PPFIA2: variants seen among roughly 807,000 people sequenced by gnomAD.
The protein encoded by PPFIA2 is liprin-alpha-2.
Under a neutral mutation model 175.5 loss-of-function variants are expected in PPFIA2, and 46 were observed. The observed-to-expected ratio is 0.26, with a 90% CI of 0.21 to 0.34. The LOEUF (loss-of-function observed/expected upper bound fraction) is 0.34, where lower values mean the gene tolerates loss of function less well. PPFIA2 is among the 10% of genes least tolerant of loss of function. PPFIA2 has a pLI of 1.00. For missense variants in PPFIA2, 1,179 were observed against 1,506.1 expected, an observed-to-expected ratio of 0.78 and a Z score of 3.60; for synonymous variants, 568 against 511.4, an observed-to-expected ratio of 1.11 and a Z score of -1.49.
chr12:81,726,329 G>A (rs2080071100), intron 3 of PPFIA2, among the ~76,000 whole-genome samples: 1 of 151,104 alleles, frequency 6.6e-6, no homozygotes, highest in African/African-American at 2.4e-5. Context: ...TATCTGTCTG[G>A]AGGAAAAGAA....
intron 4 of PPFIA2, among the ~76,000 whole-genome samples, chr12:81,567,859 C>A (rs763818143): frequency 6.6e-6 from 1 of 152,126 alleles, no homozygotes; most frequent in Non-Finnish European, 1.5e-5. Context: ...TATTGAACCT[C>A]GGTGGAAAAT....
At chr12:81,648,193 G>A (rs1258756029) in intron 4 of PPFIA2, among the ~76,000 whole-genome samples, 4 of 151,312 alleles carry the variant, frequency 2.6e-5, no homozygotes, top group African/African-American at 9.7e-5. Context: ...TAAAAAGCAA[G>A]AAAGACAAAT....
chr12:81,268,504 G>A (rs1401078140), intron 28 of PPFIA2, among the ~76,000 whole-genome samples: 1 of 152,170 alleles, frequency 6.6e-6, no homozygotes, highest in Non-Finnish European at 1.5e-5. Flanking sequence ...TCACATTTAT[G>A]CTGATTCATC....
chr12:81,432,665 G>A (rs1291545251), intron 7 of PPFIA2, among the ~76,000 whole-genome samples: 3 of 151,694 alleles, frequency 2.0e-5, no homozygotes, highest in East Asian at 3.9e-4. Context: ...CACCATGTAG[G>A]TCAGGCTGGT....
chr12:81,323,739 C>G (rs1594804130), intron 22 of PPFIA2, among the ~76,000 whole-genome samples: 1 of 151,944 alleles, frequency 6.6e-6, no homozygotes, highest in Non-Finnish European at 1.5e-5. Flanking sequence ...TAATAAAACT[C>G]ATTATATGAA....
chr12:81,311,920 T>C (rs933604122), intron 22 of PPFIA2: 3 of 550,820 alleles, frequency 5.4e-6, no homozygotes, highest in Middle Eastern at 5.0e-4. Context: ...TTGACATGTG[T>C]ATAATAAAAC....
rs535229177 is a variant in PPFIA2 at position 81,432,623 on chromosome 12, G to A, written c.645+7349C>T. Among the ~76,000 whole-genome samples the A allele has an allele frequency of 7.8e-4, 118 of 151,924 alleles. 1 individual carries two copies. The highest frequency in any genetic ancestry group is 7.1e-3 in the South Asian group (34 of 4,810). On this transcript the variant is annotated intron_variant, in intron 7 of 32. Coordinates refer to ENST00000549396, the MANE Select transcript of PPFIA2 (RefSeq NM_003625.5). ...TGGGATTACAGGCACGCACCACCATGCCCAGATGATTTTTGTATAGAGACT... is the reference window on the plus strand; with the variant it reads ...TGGGATTACAGGCACGCACCACCATACCCAGATGATTTTTGTATAGAGACT...
chr12:81,289,229 TTC>T (rs1297029075), intron 24 of PPFIA2, among the ~76,000 whole-genome samples: 1 of 151,848 alleles, frequency 6.6e-6, no homozygotes, highest in East Asian at 1.9e-4. Context: ...ATATTAGATA[TTC>T]TGTTAGGTAG....
chr12:81,673,739 T>C (rs2071894717), intron 4 of PPFIA2, among the ~76,000 whole-genome samples: 1 of 152,032 alleles, frequency 6.6e-6, no homozygotes, highest in Admixed American at 6.6e-5. Context: ...CTAAAATAAT[T>C]ATGTGATTTG....
intron 21 of PPFIA2, among the ~76,000 whole-genome samples, chr12:81,327,353 C>G (rs936979490): frequency 2.6e-5 from 4 of 151,900 alleles, no homozygotes; most frequent in Non-Finnish European, 5.9e-5. Context: ...ATTAGGAAAG[C>G]CTTCTACTGG....
intron 4 of PPFIA2, among the ~76,000 whole-genome samples, chr12:81,489,738 A>G (rs953197678): frequency 7.2e-5 from 11 of 151,946 alleles, no homozygotes; most frequent in Admixed American, 5.9e-4. Context: ...ATACATGAAT[A>G]GTGAAAGTAT....
At chr12:81,753,679 A>C (rs919054811) in intron 3 of PPFIA2, among the ~76,000 whole-genome samples, 1 of 152,232 alleles carries the variant, frequency 6.6e-6, no homozygotes, top group Non-Finnish European at 1.5e-5. Context: ...TCTGGTCATT[A>C]AAAGCTGATC....
rs543715218 is a variant in PPFIA2 at position 81,682,991 on chromosome 12, T to C, written c.250-6147A>G. ...TTTAGTACTGTGGCTCTAAATATAA[T>C]GCATGTTGATAAATTTTGAATTTCT... On this transcript the variant is annotated intron_variant, in intron 3 of 32. Coordinates refer to ENST00000549396, the MANE Select transcript of PPFIA2 (RefSeq NM_003625.5). Among the ~76,000 whole-genome samples, 58 of 152,226 alleles carry C rather than the reference T, an allele frequency of 3.8e-4. No individual in the cohort carries two copies. In the South Asian group the frequency reaches 0.011, roughly 29 times the overall value.
chr12:81,630,688 T>G (rs2063272800), intron 4 of PPFIA2, among the ~76,000 whole-genome samples: 1 of 152,064 alleles, frequency 6.6e-6, no homozygotes, highest in African/African-American at 2.4e-5. Flanking sequence ...CCAAAAAACT[T>G]CAGAAACTAA....
In PPFIA2 at chr12:81,321,697, T is replaced by C. The variant is rs1002178317; in HGVS notation, c.2642+4080A>G. On this transcript the variant is annotated intron_variant, in intron 22 of 32. Transcript: ENST00000549396. Reference sequence around the variant, plus strand: ...ATATGGCTGACAGTTTGATTTCTAATTGACTATTTTGTTAGTCAACAAATA... The same window carrying C: ...ATATGGCTGACAGTTTGATTTCTAACTGACTATTTTGTTAGTCAACAAATA... Among the ~76,000 whole-genome samples, 27 of 152,198 alleles carry C rather than the reference T, an allele frequency of 1.8e-4. 1 individual carries two copies. The highest frequency in any genetic ancestry group is 6.5e-4 in the African/African-American group (27 of 41,454).
At position 81,338,089 on chromosome 12, in the gene PPFIA2, T is replaced by C. The variant is rs2057409805; in HGVS notation, c.2548+1091A>G. ...CTATGGAAGCCAGGAAAGGCATTTT[T>C]GGATACTGTAGTCATAAATCTGCAA... On this transcript the variant is annotated intron_variant, in intron 21 of 32. Coordinates refer to ENST00000549396, the MANE Select transcript of PPFIA2 (RefSeq NM_003625.5). 2.0e-5 allele frequency among the ~76,000 whole-genome samples: 3 copies of C among 152,276 alleles called. No homozygotes were observed. The South Asian group carries it at 6.2e-4, about 32-fold the overall frequency.
At chr12:81,368,016 A>G in intron 13 of PPFIA2, 1 of 950,920 alleles carries the variant, frequency 1.1e-6, no homozygotes, top group South Asian at 1.4e-5. Context: ...TATTTTATGT[A>G]CTAATGGAAA....
intron 4 of PPFIA2, among the ~76,000 whole-genome samples, chr12:81,617,721 G>A (rs1922417): frequency 0.046 from 6,932 of 152,176 alleles, 313 homozygotes; most frequent in East Asian, 0.25. Context: ...CATGGGTGTC[G>A]TTGCAGTTCA....
At chr12:81,671,202 A>G (rs1032528001) in intron 4 of PPFIA2, among the ~76,000 whole-genome samples, 9 of 151,830 alleles carry the variant, frequency 5.9e-5, no homozygotes, top group Non-Finnish European at 1.2e-4. Context: ...CATCCACTCA[A>G]TTGCCAAACC....
Sources: allele counts gnomAD v4.1 joint callset (sites outside exome capture counted in the v4.1 genomes callset), GRCh38; gene constraint gnomAD v4.1.1; transcripts MANE v1.5; gene names NCBI Gene and HGNC (gene_info 2026-07-23, HGNC 2026-07-21).